CDK13: variants seen among roughly 807,000 people sequenced by gnomAD.
The protein encoded by CDK13 is cyclin-dependent kinase 13.
A neutral mutation model predicts 137.6 loss-of-function variants in CDK13; 40 were observed. The observed-to-expected ratio is 0.29, with a 90% CI of 0.23 to 0.38. The LOEUF is 0.38. CDK13 is among the 10% of genes least tolerant of loss of function. CDK13 has a pLI of 1.00. For synonymous variants in CDK13, 869 were observed against 760.1 expected (o/e 1.14, Z -2.36); for missense variants, 1,704 against 1,951.8 (o/e 0.87, Z 2.39).
In CDK13 at chr7:40,093,214, C is replaced by T; in HGVS notation, c.3665C>T (p.Pro1222Leu). The change falls in exon 13 of 14, where the codon CCA becomes CTA. Residue 1222 changes from proline to leucine, a missense_variant. By Grantham distance (98) the Pro-to-Leu change is moderately conservative (BLOSUM62 -3). This residue lies in a region of CDK13 where 475 missense variants were observed against 579.3 expected (regional missense o/e 0.82). Transcript: ENST00000181839. ...HEASLQLRPPPEPSTPVSGQD... is the reference protein window; with the variant it reads ...HEASLQLRPPLEPSTPVSGQD... ...GCGTCATTACAACTCAGGCCACCTC[C>T]AGAACCTAGCACTCCGGTGTCGGGT... The T allele has an allele frequency of 6.2e-7, 1 of 1,613,042 alleles. No individual in the cohort carries two copies. The highest frequency in any genetic ancestry group is 8.5e-7 in the Non-Finnish European group (1 of 1,179,618).
intron 5 of CDK13, among the ~76,000 whole-genome samples, chr7:40,021,820 A>G (rs1785132869): frequency 6.6e-6 from 1 of 151,802 alleles, no homozygotes; most frequent in African/African-American, 2.4e-5. Context: ...TATGTGAAAA[A>G]TAGCAACTAA....
At chr7:39,956,834 G>T (rs1482088198) in intron 1 of CDK13, among the ~76,000 whole-genome samples, 1 of 152,090 alleles carries the variant, frequency 6.6e-6, no homozygotes, top group Non-Finnish European at 1.5e-5. Flanking sequence ...CAATCCTCCC[G>T]CCTGGGCCTC....
chr7:40,009,746 A>G (rs565921411), intron 5 of CDK13, among the ~76,000 whole-genome samples: 1 of 152,350 alleles, frequency 6.6e-6, no homozygotes, highest in East Asian at 1.9e-4. Flanking sequence ...TCCAGGGTAC[A>G]CTCAGCAACC....
chr7:39,972,740 A>G (rs57602515), intron 1 of CDK13, among the ~76,000 whole-genome samples: 6,114 of 151,982 alleles, frequency 0.04, 368 homozygotes, highest in African/African-American at 0.13. Flanking sequence ...CTTTTTGGCT[A>G]TTTTTTTAAT....
intron 2 of CDK13, among the ~76,000 whole-genome samples, chr7:39,995,707 C>T (rs1323064870): frequency 1.3e-5 from 2 of 152,116 alleles, no homozygotes; most frequent in Non-Finnish European, 2.9e-5. Flanking sequence ...TAATATATTA[C>T]TTTAAAAATA....
chr7:40,047,790 C>A lies in CDK13; in HGVS notation c.2544-31C>A, dbSNP rs377072705. ...ATTGTCAATTAAGAGTAAATTAATA[C>A]CTTTTGTTCATTTTGTCTTATTTCC... On this transcript the variant is annotated intron_variant, in intron 6 of 13. Transcript: ENST00000181839. 1.6e-4 allele frequency: 241 copies of A among 1,501,208 alleles called. No individual in the cohort carries two copies. In the African/African-American group the frequency reaches 3.1e-3, roughly 19 times the overall value. The allele number at this position is 1,501,208 out of a possible 1,614,324, so 93.0% of individuals were successfully genotyped here.
chr7:39,999,616 C>A, intron 4 of CDK13, 116 bp downstream of exon 4: 2 of 1,029,938 alleles, frequency 1.9e-6, no homozygotes, highest in Non-Finnish European at 2.8e-6. Flanking sequence ...TTTTATTGTG[C>A]TTTTGTTTCA....
intron 5 of CDK13, among the ~76,000 whole-genome samples, chr7:40,027,051 A>G (rs1388375388): frequency 6.6e-6 from 1 of 152,170 alleles, no homozygotes; most frequent in African/African-American, 2.4e-5. Flanking sequence ...TTTTAATATT[A>G]TCTTTTATTA....
chr7:39,992,238 C>T (rs1784479471), intron 2 of CDK13, among the ~76,000 whole-genome samples: 1 of 151,650 alleles, frequency 6.6e-6, no homozygotes, highest in South Asian at 2.1e-4. Context: ...TGCCCTGTTG[C>T]CCAGGCTGGA....
At chr7:40,020,461 T>C (rs1361916735) in intron 5 of CDK13, among the ~76,000 whole-genome samples, 2 of 152,198 alleles carry the variant, frequency 1.3e-5, no homozygotes, top group Non-Finnish European at 2.9e-5. Flanking sequence ...TACTCTTCAG[T>C]TTTGAAGCTC....
intron 7 of CDK13, among the ~76,000 whole-genome samples, chr7:40,056,373 A>G (rs187977115): frequency 1.1e-4 from 16 of 152,370 alleles, no homozygotes; most frequent in Admixed American, 2.0e-4. Flanking sequence ...ATACAATTAA[A>G]GTACCACTAA....
intron 5 of CDK13, among the ~76,000 whole-genome samples, chr7:40,039,011 A>G (rs1785546000): frequency 6.6e-6 from 1 of 152,160 alleles, no homozygotes; most frequent in South Asian, 2.1e-4. Context: ...TTTTATTGTG[A>G]GCAAGATTAA....
chr7:40,081,029 A>G (rs1021243187), intron 11 of CDK13, among the ~76,000 whole-genome samples: 1 of 152,180 alleles, frequency 6.6e-6, no homozygotes, highest in Non-Finnish European at 1.5e-5. Context: ...AATTTTTCAA[A>G]GTTCAGCATT....
At chr7:40,009,840 C>T (rs1242211799) in intron 5 of CDK13, among the ~76,000 whole-genome samples, 1 of 152,166 alleles carries the variant, frequency 6.6e-6, no homozygotes, top group African/African-American at 2.4e-5. Flanking sequence ...CTGTATTCAG[C>T]ATTGTACTAG....
In CDK13 at chr7:40,088,111, CT is replaced by C. The variant is rs377247573; in HGVS notation, c.3030-4del. On this transcript the variant is annotated splice_polypyrimidine_tract_variant and intron_variant, in intron 11 of 13. Transcript: ENST00000181839. ...AGAAATGCCATTTACAATTTAATTC[CT>C]TTTTTTTTTTCAGTCTCCCTTTATG... 324,806 of 1,245,680 alleles carry C rather than the reference CT, an allele frequency of 0.26. 25,940 individuals carry two copies. The highest frequency in any genetic ancestry group is 0.35 in the Middle Eastern group (1,751 of 5,058). 77.2% of individuals were successfully genotyped at this position (1,245,680 alleles called of 1,614,324 possible). A position where few individuals can be genotyped will look rare whatever the true frequency, so the allele number is the denominator to read the frequency against.
chr7:40,011,543 T>C (rs778129561), intron 5 of CDK13, among the ~76,000 whole-genome samples: 3 of 152,206 alleles, frequency 2.0e-5, no homozygotes, highest in Non-Finnish European at 4.4e-5. Context: ...AGGGAAAGAA[T>C]AGCTTTTCAG....
At chr7:39,963,531 T>C (rs1783799137) in intron 1 of CDK13, among the ~76,000 whole-genome samples, 1 of 152,210 alleles carries the variant, frequency 6.6e-6, no homozygotes. Flanking sequence ...TGGGCTGAGA[T>C]GTTGGGGTTT....
At chr7:39,975,358 G>A (rs184562373) in intron 1 of CDK13, among the ~76,000 whole-genome samples, 1 of 152,178 alleles carries the variant, frequency 6.6e-6, no homozygotes, top group East Asian at 1.9e-4. Flanking sequence ...GCTGCAGTGA[G>A]CCAAGATTGC....
chr7:40,063,164 ACT>A lies in CDK13; in HGVS notation c.2780+68_2780+69del, dbSNP rs1584056400. ...GTGTCATACTCCACAGGAAATTTAAACTCTCCCAAGTTTGTCTTTTCAGGAAG... is the reference window on the plus strand; with the variant it reads ...GTGTCATACTCCACAGGAAATTTAAACTCCCAAGTTTGTCTTTTCAGGAAG... On this transcript the variant is annotated intron_variant, in intron 9 of 13. Coordinates refer to ENST00000181839, the MANE Select transcript of CDK13 (RefSeq NM_003718.5). The A allele has an allele frequency of 8.0e-6, 10 of 1,250,702 alleles. No individual in the cohort carries two copies. In the East Asian group the frequency reaches 2.3e-4, roughly 29 times the overall value. The allele number at this position is 1,250,702 out of a possible 1,614,324, so 77.5% of individuals were successfully genotyped here.
Sources: gnomAD v4.1 joint callset for allele counts (sites outside exome capture counted in the v4.1 genomes callset) on GRCh38, gnomAD v4.1.1 for gene constraint, gnomAD v4.1.1 regional missense constraint, MANE v1.5 for transcripts, NCBI Gene and HGNC (gene_info 2026-07-23, HGNC 2026-07-21) for gene names.